Variants in TTI1 observed in about 807,000 individuals in gnomAD.
TTI1 encodes the protein TELO2-interacting protein 1 homolog.
Under a neutral mutation model 85.4 loss-of-function variants are expected in TTI1, and 52 were observed. The ratio of observed to expected loss-of-function variants is 0.61; its 90% CI spans 0.49 to 0.77. The LOEUF (loss-of-function observed/expected upper bound fraction) is 0.77. Among genes scored for constraint, TTI1 ranks in the 30% least tolerant of loss-of-function variants. The pLI is 0.00. For synonymous variants in TTI1, 512 were observed against 503.9 expected (o/e 1.02, Z -0.22); for missense variants, 1,173 against 1,296.0 (o/e 0.91, Z 1.46).
chr20:37,992,907 C>A (rs190410999), intron 7 of TTI1, among the ~76,000 whole-genome samples: 9 of 152,298 alleles, frequency 5.9e-5, no homozygotes, highest in Non-Finnish European at 1.2e-4. Context: ...CTGAGAATTT[C>A]AATCAGCAAA....
intron 1 of TTI1, among the ~76,000 whole-genome samples, chr20:38,021,928 G>T (rs2032244359): frequency 1.3e-5 from 2 of 152,082 alleles, no homozygotes; most frequent in Admixed American, 1.3e-4. Flanking sequence ...ACACAATCAA[G>T]AAGTGAAAAA....
intron 2 of TTI1, among the ~76,000 whole-genome samples, chr20:38,008,953 A>G (rs2073540448): frequency 6.6e-6 from 1 of 151,722 alleles, no homozygotes. Context: ...TCCTTTCTGC[A>G]AGGGAGACCC....
At chr20:37,998,912 A>G (rs1428424435) in intron 5 of TTI1, among the ~76,000 whole-genome samples, 1 of 151,706 alleles carries the variant, frequency 6.6e-6, no homozygotes, top group African/African-American at 2.4e-5. Context: ...AAGTAAAGAC[A>G]ATATACCTAC....
intron 2 of TTI1, among the ~76,000 whole-genome samples, chr20:38,011,216 G>A (rs546936481): frequency 2.0e-5 from 3 of 152,110 alleles, no homozygotes; most frequent in Admixed American, 6.5e-5. Context: ...GTGTGACCCT[G>A]GCTAAGTAGG....
intron 7 of TTI1, chr20:37,987,387 G>A (rs747480024): frequency 1.5e-5 from 7 of 456,482 alleles, no homozygotes; most frequent in Non-Finnish European, 2.6e-5. Context: ...TTTGCGATGC[G>A]CAGGGATGGC....
intron 1 of TTI1, among the ~76,000 whole-genome samples, chr20:38,031,908 T>C (rs1013676255): frequency 6.6e-6 from 1 of 152,234 alleles, no homozygotes. Flanking sequence ...TTAAAAAGTA[T>C]GTAATGTGCT....
rs2073688227 is a variant in TTI1 at position 38,016,736 on chromosome 20, G to T, written c.-41-2879C>A. 2.0e-5 allele frequency among the ~76,000 whole-genome samples: 3 copies of T among 152,224 alleles called. No individual in the cohort carries two copies. The South Asian group carries it at 6.2e-4, about 32-fold the overall frequency. The stretch of plus-strand genomic sequence containing the variant: ...CTCACAGTTTCCTCTCTGGCCCTTT[G>T]GCTTGTTTCTTGCCCTCCTCGAATT... On this transcript the variant is annotated intron_variant, in intron 1 of 7. Coordinates refer to ENST00000373447, the MANE Select transcript of TTI1 (RefSeq NM_001303457.2).
intron 4 of TTI1, chr20:38,000,406 G>A (rs1367248217): frequency 6.6e-6 from 1 of 151,902 alleles, no homozygotes; most frequent in African/African-American, 2.6e-5. Flanking sequence ...CAAACTCACT[G>A]AAAAGAGACT....
chr20:38,006,489 C>T, intron 2 of TTI1, 92 bp from the exon 3 acceptor site: 6 of 1,390,968 alleles, frequency 4.3e-6, no homozygotes, highest in Non-Finnish European at 6.0e-6. Flanking sequence ...CTGGCCTGCA[C>T]AGCCCCCACA....
At position 38,011,745 on chromosome 20, in the gene TTI1, A is replaced by G; in HGVS notation, c.2072T>C (p.Ile691Thr). Residue 691 changes from isoleucine (I) to threonine (T), a missense_variant, in exon 2 of 8, where the codon ATC (isoleucine) becomes ACC (threonine). By Grantham distance (89) the Ile-to-Thr change is moderately conservative. Coordinates refer to ENST00000373447, the MANE Select transcript of TTI1 (RefSeq NM_001303457.2). ...ACGYDSLQHL[I>T]NQNSDYLVNG... The stretch of plus-strand genomic sequence containing the variant: ...CACTAAATAGTCTGAATTTTGATTG[A>G]TCAGGTGCTGCAGGGAGTCGTAGCC... The G allele has an allele frequency of 6.2e-7, 1 of 1,614,214 alleles. No homozygotes were observed. The highest frequency in any genetic ancestry group is 1.1e-5 in the South Asian group (1 of 91,086).
rs140258408 is a variant in TTI1, at chr20:37,998,449, G to A, written c.2793+739C>T. On this transcript the variant is annotated intron_variant, in intron 5 of 7. Transcript: ENST00000373447. ...ATCTTTTCTCTCTGCCTCATCTTGC[G>A]CACCTTCTTCTAATTTATGGCAGCT... is the stretch of plus-strand genomic sequence containing the variant. Among the ~76,000 whole-genome samples, 1,218 of 152,112 alleles carry A rather than the reference G, an allele frequency of 8.0e-3. 6 individuals carry two copies. The highest frequency in any genetic ancestry group is 0.023 in the African/African-American group (949 of 41,464).
intron 4 of TTI1, among the ~76,000 whole-genome samples, chr20:38,001,395 C>G (rs78688186): frequency 5.3e-5 from 8 of 152,328 alleles, no homozygotes; most frequent in Non-Finnish European, 1.2e-4. Flanking sequence ...CTGACTCCAA[C>G]ACTGATGTTC....
intron 1 of TTI1, among the ~76,000 whole-genome samples, chr20:38,020,323 A>AATATATATATATATATATAT (rs1159604655): frequency 1.5e-3 from 75 of 50,328 alleles, no homozygotes; most frequent in East Asian, 2.9e-3. Flanking sequence ...AAAAAAAAAA[A>AATATATATATATATATATAT]ATATATATAT....
intron 2 of TTI1, among the ~76,000 whole-genome samples, chr20:38,008,682 G>C (rs1443817412): frequency 6.6e-6 from 1 of 152,068 alleles, no homozygotes; most frequent in Non-Finnish European, 1.5e-5. Context: ...TTCTTCTAAG[G>C]CCTTTCAGAA....
chr20:38,015,267 A>C (rs1211922011), intron 1 of TTI1, among the ~76,000 whole-genome samples: 5 of 152,042 alleles, frequency 3.3e-5, no homozygotes, highest in Non-Finnish European at 7.4e-5. Flanking sequence ...CTGGAACCCT[A>C]TGAGGAAGGG....
intron 1 of TTI1, among the ~76,000 whole-genome samples, chr20:38,014,494 G>A (rs2073652859): frequency 6.6e-6 from 1 of 152,062 alleles, no homozygotes; most frequent in Non-Finnish European, 1.5e-5. Flanking sequence ...TTAAAGCAAG[G>A]GGTGATATGG....
chr20:38,029,753 T>C (rs1236791059), intron 1 of TTI1, among the ~76,000 whole-genome samples: 1 of 152,152 alleles, frequency 6.6e-6, no homozygotes, highest in Non-Finnish European at 1.5e-5. Flanking sequence ...CCCAATGTAT[T>C]GAGAAGTGGA....
intron 1 of TTI1, among the ~76,000 whole-genome samples, chr20:38,026,760 T>A (rs2073841357): frequency 6.6e-6 from 1 of 152,178 alleles, no homozygotes. Context: ...CAAAAATATG[T>A]GTAAATGCAA....
At chr20:38,018,228 G>A (rs2073712077) in intron 1 of TTI1, among the ~76,000 whole-genome samples, 1 of 151,850 alleles carries the variant, frequency 6.6e-6, no homozygotes, top group African/African-American at 2.4e-5. Flanking sequence ...AAGAAACAGA[G>A]GAAAAGACCA....
Sources: allele counts gnomAD v4.1 joint callset (sites outside exome capture counted in the v4.1 genomes callset), GRCh38; gene constraint gnomAD v4.1.1; transcripts MANE v1.5; gene names NCBI Gene and HGNC (gene_info 2026-07-23, HGNC 2026-07-21).